The following SBK1 variants were observed in gnomAD, a reference collection of about 807,000 sequenced individuals.
SBK1 encodes the protein serine/threonine-protein kinase SBK1.
Under a neutral mutation model 24.4 loss-of-function variants are expected in SBK1, and 11 were observed. The observed-to-expected ratio is 0.45, with a 90% confidence interval of 0.28 to 0.75. The LOEUF (loss-of-function observed/expected upper bound fraction) is 0.75, where lower values mean the gene tolerates loss of function less well. SBK1 is among the 30% of genes least tolerant of loss of function. The pLI is 0.12. For synonymous variants in SBK1, 308 were observed against 284.4 expected, an observed-to-expected ratio of 1.08 and a Z score of -0.83; for missense variants, 467 against 620.5, an observed-to-expected ratio of 0.75 and a Z score of 2.63.
intron 1 of SBK1, among the ~76,000 whole-genome samples, chr16:28,270,863 ATTTATTTATTTATTTT>A (rs1265362538): frequency 2.3e-5 from 3 of 128,648 alleles, no homozygotes; most frequent in Non-Finnish European, 1.6e-5. Context: ...TTATTTATTT[ATTTATTTATTTATTTT>A]TTGAGACGGA....
intron 2 of SBK1, 48 bp from the exon 3 acceptor site, chr16:28,318,947 A>G: frequency 7.3e-7 from 1 of 1,372,236 alleles, no homozygotes; most frequent in Non-Finnish European, 1.0e-6. Flanking sequence ...TCCAGTGCGG[A>G]GGCACTGGGA....
intron 1 of SBK1, among the ~76,000 whole-genome samples, chr16:28,260,248 G>A (rs985906848): frequency 6.6e-6 from 1 of 152,138 alleles, no homozygotes; most frequent in Non-Finnish European, 1.5e-5. Flanking sequence ...GGGAAGGGCT[G>A]TGCCTGGGGC....
Position 28,277,848 on chromosome 16 carries a change from CA to C in SBK1, c.257+18347del, listed in dbSNP as rs1453137538. 3.9e-5 allele frequency among the ~76,000 whole-genome samples: 6 copies of C among 152,226 alleles called. No individual in the cohort carries two copies. In the East Asian group the frequency reaches 1.2e-3, roughly 29 times the overall value. On this transcript the variant is annotated intron_variant, in intron 1 of 3. Coordinates refer to the SBK1 transcript ENST00000671413. ...CGCCGCGGTCCCTCAGATCGTCCTG[CA>C]CTACGGCGAAACGGCCACTAGAGGG...
intron 1 of SBK1, among the ~76,000 whole-genome samples, chr16:28,303,507 C>CTTTTT (rs143613970): frequency 0.023 from 1,331 of 58,180 alleles, no homozygotes; most frequent in Middle Eastern, 0.05. Flanking sequence ...CTTTTCTTTT[C>CTTTTT]TTTTTTTTTT....
intron 1 of SBK1, among the ~76,000 whole-genome samples, chr16:28,265,052 G>T (rs1024223401): frequency 1.3e-5 from 2 of 151,778 alleles, no homozygotes; most frequent in African/African-American, 4.8e-5. Context: ...CAGGAGGATT[G>T]CTTGAACCCA....
chr16:28,273,057 G>A (rs946490081), intron 1 of SBK1, among the ~76,000 whole-genome samples: 16 of 151,820 alleles, frequency 1.1e-4, no homozygotes. Context: ...ACACAGGAGT[G>A]CTAATACCAT....
Position 28,322,962 on chromosome 16 carries a change from CTCTCT to C in SBK1, c.*2042_*2046del, listed in dbSNP as rs2044868244. The C allele has an allele frequency of 8.9e-6, 1 of 111,992 alleles. No individual in the cohort carries two copies. The highest frequency in any genetic ancestry group is 2.6e-4 in the East Asian group (1 of 3,786). The allele number at this position is 111,992 out of a possible 1,614,324, so 6.9% of individuals were successfully genotyped here. A position where few individuals can be genotyped will look rare whatever the true frequency, so the allele number is the denominator to read the frequency against. On this transcript the variant is annotated 3_prime_UTR_variant, in exon 4 of 4. Transcript: ENST00000341901. ...TCTCTCTCTCTCTCTCTCTCTCTCT[CTCTCT>C]CTCTCTCTCTCTCCTCTCTTTCTCT...
rs758650662 is a variant in SBK1, at chr16:28,320,419, G to C, written c.773G>C (p.Gly258Ala). The C allele has an allele frequency of 5.7e-6, 9 of 1,588,738 alleles. No homozygotes were observed. The highest frequency in any genetic ancestry group is 1.7e-5 in the Admixed American group (1 of 59,146). ...TGNFPWEAAS[G>A]ADAFFEEFVR... ...AACTTCCCGTGGGAGGCGGCGTCGG[G>C]CGCCGACGCCTTCTTCGAGGAGTTC... Residue 258 changes from glycine to alanine, a missense_variant, in exon 4 of 4, where the codon GGC (glycine) becomes GCC (alanine). Coordinates refer to ENST00000341901, the MANE Select transcript of SBK1 (RefSeq NM_001024401.3). The surrounding 1 kb of genome is among the most constrained non-coding windows in gnomAD (Gnocchi z 8.5).
chr16:28,282,524 T>C (rs1421408179), intron 1 of SBK1, among the ~76,000 whole-genome samples: 2 of 152,192 alleles, frequency 1.3e-5, no homozygotes, highest in African/African-American at 2.4e-5. Flanking sequence ...ATTAGTGCAG[T>C]GTCTCCCTCA....
At chr16:28,315,829 G>A (rs1174457047) in intron 1 of SBK1, among the ~76,000 whole-genome samples, 6 of 152,076 alleles carry the variant, frequency 3.9e-5, no homozygotes, top group South Asian at 4.1e-4. Context: ...GCAGTGGCAC[G>A]ATCTCTGCTC....
upstream of SBK1, among the ~76,000 whole-genome samples, chr16:28,288,924 G>GCCCTCTC (rs1256434682): frequency 3.3e-5 from 5 of 152,336 alleles, no homozygotes; most frequent in Admixed American, 3.3e-4. Context: ...GTAGAACTGA[G>GCCCTCTC]AGGGAGTCGG....
chr16:28,280,149 A>ATATATGTGTG (rs1230385223), intron 1 of SBK1, among the ~76,000 whole-genome samples: 31 of 39,402 alleles, frequency 7.9e-4, no homozygotes, highest in African/African-American at 2.2e-3. Flanking sequence ...ATATATATAT[A>ATATATGTGTG]TGTGTGTGTG....
chr16:28,319,216 T>C lies in SBK1; in HGVS notation c.429+19T>C. 6.2e-7 allele frequency: 1 copy of C among 1,603,966 alleles called. No homozygotes were observed. The highest frequency in any genetic ancestry group is 8.5e-7 in the Non-Finnish European group (1 of 1,171,078). ...TCCCCAGGTACTCGGGATGGTGGCA[T>C]AGGGTGGGGAAAGGGTCTTCAGGGT... On this transcript the variant is annotated intron_variant, in intron 3 of 3. Coordinates refer to ENST00000341901, the MANE Select transcript of SBK1 (RefSeq NM_001024401.3). The surrounding 1 kb of genome is among the most constrained non-coding windows in gnomAD (Gnocchi z 4.0).
At chr16:28,296,157 C>T (rs2044638690) in intron 1 of SBK1, among the ~76,000 whole-genome samples, 1 of 149,556 alleles carries the variant, frequency 6.7e-6, no homozygotes, top group African/African-American at 2.5e-5. Flanking sequence ...TGTCGTGGCA[C>T]AATCTCGGCT....
rs1031072627 is a variant in SBK1 at position 28,319,204 on chromosome 16, G to A, written c.429+7G>A. ...TGACATCATCCCTCCCCAGGTACTC[G>A]GGATGGTGGCATAGGGTGGGGAAAG... On this transcript the variant is annotated splice_region_variant and intron_variant, in intron 3 of 3. Coordinates refer to ENST00000341901, the MANE Select transcript of SBK1 (RefSeq NM_001024401.3). This position sits in a 1 kb window ranked among gnomAD's most constrained non-coding sequence, Gnocchi z 4.0. 2.5e-6 allele frequency: 4 copies of A among 1,612,058 alleles called. No homozygotes were observed. Among genetic ancestry groups the A allele is most frequent in the Non-Finnish European group, 3.4e-6 (4 of 1,178,312 alleles).
At chr16:28,313,077 C>T (rs965380039) in intron 1 of SBK1, among the ~76,000 whole-genome samples, 1 of 152,120 alleles carries the variant, frequency 6.6e-6, no homozygotes, top group Admixed American at 6.5e-5. Context: ...TTGCGGCGAG[C>T]CAAGATTGCA....
chr16:28,284,889 A>G (rs1045700239), intron 1 of SBK1: 1 of 152,208 alleles, frequency 6.6e-6, no homozygotes, highest in Non-Finnish European at 1.5e-5. Context: ...AAAACTGTAA[A>G]CTGTGCACAC....
At chr16:28,289,994 G>C (rs2141573563), upstream of SBK1, among the ~76,000 whole-genome samples, 1 of 151,936 alleles carries the variant, frequency 6.6e-6, no homozygotes, top group South Asian at 2.1e-4. Context: ...GCTGAGGTGG[G>C]AGGATCACTT....
chr16:28,307,739 C>CAAAA (rs34787009), intron 1 of SBK1, among the ~76,000 whole-genome samples: 1 of 64,202 alleles, frequency 1.6e-5, no homozygotes, highest in Non-Finnish European at 3.7e-5. Flanking sequence ...GACTCAGTCT[C>CAAAA]AAAAAAAAAA....
Sources: gnomAD v4.1 joint callset for allele counts (sites outside exome capture counted in the v4.1 genomes callset) on GRCh38, gnomAD v4.1.1 for gene constraint, Gnocchi (gnomAD v3.1) non-coding constraint, MANE v1.5 for transcripts, NCBI Gene and HGNC (gene_info 2026-07-23, HGNC 2026-07-21) for gene names.